The following MPP2 variants were observed in gnomAD, a reference collection of about 807,000 sequenced individuals.
The protein encoded by MPP2 is MAGUK p55 scaffold protein 2, also known as MAGUK p55 subfamily member 2.
Under a neutral mutation model 58.5 loss-of-function variants are expected in MPP2, and 42 were observed. The ratio of observed to expected loss-of-function variants is 0.72; its 90% CI spans 0.56 to 0.93. The LOEUF is 0.93. Among genes scored for constraint, MPP2 ranks in the 40% least tolerant of loss-of-function variants. The pLI is 0.00. For missense variants in MPP2, 632 were observed against 760.4 expected, an observed-to-expected ratio of 0.83 and a Z score of 1.99; for synonymous variants, 300 against 307.8, an observed-to-expected ratio of 0.97 and a Z score of 0.26.
chr17:43,902,014 C>G (rs1270742488), intron 2 of MPP2, among the ~76,000 whole-genome samples: 1 of 152,156 alleles, frequency 6.6e-6, no homozygotes, highest in African/African-American at 2.4e-5. Flanking sequence ...GGCAGGGACA[C>G]AGCTGTCTCT....
At position 43,875,966 on chromosome 17, in the gene MPP2, G is replaced by A. The variant is rs2046812432; in HGVS notation, c.*1841C>T. The A allele has an allele frequency of 6.6e-6, 1 of 152,188 alleles. No individual in the cohort carries two copies. The highest frequency in any genetic ancestry group is 2.4e-5 in the African/African-American group (1 of 41,398). The allele number at this position is 152,188 out of a possible 1,614,324, so 9.4% of individuals were successfully genotyped here. A position where few individuals can be genotyped will look rare whatever the true frequency, so the allele number is the denominator to read the frequency against. On this transcript the variant is annotated 3_prime_UTR_variant, in exon 13 of 13. Coordinates refer to ENST00000269095, the MANE Select transcript of MPP2 (RefSeq NM_005374.5). Reference sequence around the variant, plus strand: ...ACCCCATTTCCTTCCCACTCCCTTAGGCTGAGGGTGATGCAAGGCAGAGCT... The same window carrying A: ...ACCCCATTTCCTTCCCACTCCCTTAAGCTGAGGGTGATGCAAGGCAGAGCT...
intron 2 of MPP2, among the ~76,000 whole-genome samples, chr17:43,901,907 G>T (rs559451217): frequency 7.9e-5 from 12 of 152,302 alleles, no homozygotes; most frequent in Admixed American, 3.3e-4. Context: ...GACCCATGGG[G>T]AAGGGCGGAA....
intron 3 of MPP2, among the ~76,000 whole-genome samples, chr17:43,888,727 C>A (rs1021479244): frequency 3.3e-5 from 5 of 152,088 alleles, no homozygotes; most frequent in Admixed American, 1.3e-4. Flanking sequence ...CAGGGTGCCT[C>A]CTAAGCTGCT....
chr17:43,879,670 C>T lies in MPP2; in HGVS notation c.1353+112G>A. The T allele has an allele frequency of 7.8e-7, 1 of 1,281,668 alleles. No individual in the cohort carries two copies. Among genetic ancestry groups the T allele is most frequent in the Non-Finnish European group, 1.1e-6 (1 of 922,960 alleles). 79.4% of individuals were successfully genotyped at this position (1,281,668 alleles called of 1,614,324 possible). On this transcript the variant is annotated intron_variant, in intron 11 of 12. Transcript: ENST00000269095. The surrounding 1 kb of genome is among the most constrained non-coding windows in gnomAD (Gnocchi z 4.1). Reference sequence around the variant, plus strand: ...CTGGGTTTCTAGCAGTAGTTGAGGGCAAAGGGGGTACATGGGCGTGTTCAG... The same window carrying T: ...CTGGGTTTCTAGCAGTAGTTGAGGGTAAAGGGGGTACATGGGCGTGTTCAG...
At chr17:43,905,491 C>G (rs527367997) in intron 1 of MPP2, 1 of 152,504 alleles carries the variant, frequency 6.6e-6, no homozygotes, top group South Asian at 2.1e-4. Flanking sequence ...GTTTCCATTC[C>G]AGGGCCTCCC....
At chr17:43,907,763 T>A (rs751849795), upstream of MPP2, 4 of 985,392 alleles carry the variant, frequency 4.1e-6, no homozygotes, top group Non-Finnish European at 4.8e-6. Flanking sequence ...GAGGCAGGAC[T>A]GGTACCAGTA....
chr17:43,892,279 C>T (rs975651984), intron 3 of MPP2, among the ~76,000 whole-genome samples: 2 of 152,348 alleles, frequency 1.3e-5, no homozygotes, highest in South Asian at 2.1e-4. Flanking sequence ...CAACAGCTAC[C>T]ACATGTGGCT....
At chr17:43,907,604 G>A (rs994188987), upstream of MPP2, 5 of 985,472 alleles carry the variant, frequency 5.1e-6, no homozygotes, top group African/African-American at 8.7e-5. Context: ...AGGTCCGGAG[G>A]AGAGGGGAGG....
intron 3 of MPP2, among the ~76,000 whole-genome samples, chr17:43,890,090 G>C (rs1164547141): frequency 6.6e-6 from 1 of 152,078 alleles, no homozygotes; most frequent in Non-Finnish European, 1.5e-5. Flanking sequence ...GGGATTACAG[G>C]CGTGAGCCAC....
At chr17:43,905,850 C>T (rs1484222465) in intron 1 of MPP2, among the ~76,000 whole-genome samples, 12 of 152,064 alleles carry the variant, frequency 7.9e-5, no homozygotes. Context: ...GCTCAGGTGA[C>T]AGAAATTACA....
In MPP2 at chr17:43,879,196, TTC is replaced by T. The variant is rs775290850; in HGVS notation, c.1482+77_1482+78del. The T allele has an allele frequency of 2.6e-6, 4 of 1,522,224 alleles. No individual in the cohort carries two copies. Among genetic ancestry groups the T allele is most frequent in the South Asian group, 2.5e-5 (2 of 79,998 alleles). 94.3% of individuals were successfully genotyped at this position (1,522,224 alleles called of 1,614,324 possible). On this transcript the variant is annotated intron_variant, in intron 12 of 12. Coordinates refer to ENST00000269095, the MANE Select transcript of MPP2 (RefSeq NM_005374.5). The surrounding 1 kb of genome is among the most constrained non-coding windows in gnomAD (Gnocchi z 4.1). ...CCTGTCCCTCCCCAACACCACCTCC[TTC>T]TCTCTGTCAGCTCAGGCCTGTCCCC...
chr17:43,895,498 T>C (rs935559934), intron 3 of MPP2, among the ~76,000 whole-genome samples: 5 of 152,160 alleles, frequency 3.3e-5, no homozygotes, highest in Admixed American at 1.3e-4. Context: ...CTCAGGAGTT[T>C]GTTATTTTTT....
intron 2 of MPP2, among the ~76,000 whole-genome samples, chr17:43,902,908 G>A (rs1236638877): frequency 6.6e-6 from 1 of 152,208 alleles, no homozygotes; most frequent in African/African-American, 2.4e-5. Flanking sequence ...CCCTAGAGTA[G>A]AATATACCTT....
At chr17:43,881,700 C>G in intron 6 of MPP2, 111 bp from the exon 7 acceptor site, 1 of 1,400,800 alleles carries the variant, frequency 7.1e-7, no homozygotes, top group East Asian at 2.5e-5. Flanking sequence ...ATGGAACTGT[C>G]CCCCTGCAGG....
chr17:43,890,258 T>G (rs180914625), intron 3 of MPP2, among the ~76,000 whole-genome samples: 1 of 152,328 alleles, frequency 6.6e-6, no homozygotes, highest in East Asian at 1.9e-4. Flanking sequence ...ATTCTTCTTT[T>G]TCATGTTAAG....
chr17:43,903,102 C>A (rs557721639), intron 2 of MPP2, among the ~76,000 whole-genome samples: 1 of 152,094 alleles, frequency 6.6e-6, no homozygotes, highest in African/African-American at 2.4e-5. Flanking sequence ...CATGGTGAAA[C>A]CCAGTCTCTA....
At chr17:43,885,809 T>C (rs2047342454) in intron 3 of MPP2, among the ~76,000 whole-genome samples, 1 of 152,108 alleles carries the variant, frequency 6.6e-6, no homozygotes, top group African/African-American at 2.4e-5. Flanking sequence ...TGCATCAAAA[T>C]CTCAGAAATC....
At chr17:43,904,382 C>A in intron 2 of MPP2, 48 bp downstream of exon 2, 3 of 1,596,702 alleles carry the variant, frequency 1.9e-6, no homozygotes, top group South Asian at 1.1e-5. Context: ...CCTCGCCTGG[C>A]ACCCTCTGAA....
Position 43,877,176 on chromosome 17 carries a change from C to G in MPP2, c.*631G>C, listed in dbSNP as rs577682602. The G allele has an allele frequency of 6.5e-6, 1 of 152,858 alleles. No homozygotes were observed. The highest frequency in any genetic ancestry group is 2.4e-5 in the African/African-American group (1 of 41,468). 9.5% of individuals were successfully genotyped at this position (152,858 alleles called of 1,614,324 possible). ...GAAGGACCGAGCAGCATCTGCCCTG[C>G]GACCCTGTCCCTTTCCAAAGGAGCT... On this transcript the variant is annotated 3_prime_UTR_variant, in exon 13 of 13. Coordinates refer to ENST00000269095, the MANE Select transcript of MPP2 (RefSeq NM_005374.5).
Sources: gnomAD v4.1 joint callset for allele counts (sites outside exome capture counted in the v4.1 genomes callset) on GRCh38, gnomAD v4.1.1 for gene constraint, Gnocchi (gnomAD v3.1) non-coding constraint, MANE v1.5 for transcripts, NCBI Gene and HGNC (gene_info 2026-07-23, HGNC 2026-07-21) for gene names.